The following NDUFS4 variants were observed in gnomAD, a reference collection of about 807,000 sequenced individuals.
The protein encoded by NDUFS4 is NADH dehydrogenase [ubiquinone] iron-sulfur protein 4, mitochondrial.
A neutral mutation model predicts 24.3 loss-of-function variants in NDUFS4; 28 were observed. The observed-to-expected ratio is 1.15, with a 90% confidence interval of 0.85 to 1.58. The LOEUF (loss-of-function observed/expected upper bound fraction) is 1.58, where lower values mean the gene tolerates loss of function less well. Among genes scored for constraint, NDUFS4 ranks in the 40% most tolerant of loss-of-function variants. NDUFS4 has a pLI of 0.00. For synonymous variants in NDUFS4, 93 were observed against 69.7 expected, an observed-to-expected ratio of 1.34 and a Z score of -1.67; for missense variants, 223 against 207.9, an observed-to-expected ratio of 1.07 and a Z score of -0.45.
At chr5:53,604,645 G>A in intron 2 of NDUFS4, 1 of 409,940 alleles carries the variant, frequency 2.4e-6, no homozygotes. Flanking sequence ...GGTGCTTCCT[G>A]TTGCCCTTAG....
chr5:53,662,954 C>T (rs957973017), intron 4 of NDUFS4, among the ~76,000 whole-genome samples: 1 of 151,838 alleles, frequency 6.6e-6, no homozygotes, highest in Non-Finnish European at 1.5e-5. Flanking sequence ...CTCTTGTGGG[C>T]ATTTAGTGCT....
At chr5:53,669,865 A>G (rs1226655793) in intron 4 of NDUFS4, among the ~76,000 whole-genome samples, 1 of 152,040 alleles carries the variant, frequency 6.6e-6, no homozygotes, top group Admixed American at 6.6e-5. Context: ...TATGCTTTAA[A>G]CTTTTCTTTA....
intron 1 of NDUFS4, among the ~76,000 whole-genome samples, chr5:53,564,405 G>A (rs960167077): frequency 1.3e-5 from 2 of 152,138 alleles, no homozygotes; most frequent in Admixed American, 6.5e-5. Context: ...ACACATCCAA[G>A]CCAAAGTTTG....
At chr5:53,582,860 A>G (rs1464932138) in intron 1 of NDUFS4, among the ~76,000 whole-genome samples, 1 of 152,208 alleles carries the variant, frequency 6.6e-6, no homozygotes, top group Non-Finnish European at 1.5e-5. Flanking sequence ...GGAATCATAT[A>G]GAAATTTAAA....
chr5:53,673,603 T>C lies in NDUFS4; in HGVS notation c.425-9515T>C, dbSNP rs73754284. Among the ~76,000 whole-genome samples the C allele has an allele frequency of 6.2e-3, 948 of 152,312 alleles. 13 individuals carry two copies. The highest frequency in any genetic ancestry group is 0.022 in the African/African-American group (910 of 41,576). On this transcript the variant is annotated intron_variant, in intron 4 of 4. Transcript: ENST00000296684. ...TGATAAGACATTCTCTTTCTCTTTCTGGCACAATCAGTCACTTTACTTGAG... is the reference window on the plus strand; with the variant it reads ...TGATAAGACATTCTCTTTCTCTTTCCGGCACAATCAGTCACTTTACTTGAG...
At position 53,642,874 on chromosome 5, in the gene NDUFS4, T is replaced by C. The variant is rs140733272; in HGVS notation, c.178-3359T>C. ...GTTGAAAGAATGAACTTTGGAATTA[T>C]GACATGCATCTTTCCAATAGCAAAT... On this transcript the variant is annotated intron_variant, in intron 2 of 4. Coordinates refer to ENST00000296684, the MANE Select transcript of NDUFS4 (RefSeq NM_002495.4). 4.3e-3 allele frequency among the ~76,000 whole-genome samples: 659 copies of C among 152,262 alleles called. 6 individuals are homozygous for C. The highest frequency in any genetic ancestry group is 0.021 in the South Asian group (102 of 4,820).
At chr5:53,673,229 GACA>G (rs1643369391) in intron 4 of NDUFS4, among the ~76,000 whole-genome samples, 1 of 152,054 alleles carries the variant, frequency 6.6e-6, no homozygotes, top group South Asian at 2.1e-4. Flanking sequence ...TCTCATAGTT[GACA>G]ACTGTTCTCA....
At chr5:53,663,182 G>A (rs1023527598) in intron 4 of NDUFS4, among the ~76,000 whole-genome samples, 11 of 152,142 alleles carry the variant, frequency 7.2e-5, no homozygotes. Context: ...TGTGGTCTTA[G>A]AGACAGTTTG....
intron 3 of NDUFS4, among the ~76,000 whole-genome samples, chr5:53,651,561 C>T (rs188808021): frequency 5.3e-5 from 8 of 151,446 alleles, no homozygotes; most frequent in Admixed American, 4.6e-4. Flanking sequence ...CTAGATAAGT[C>T]CATATAGACT....
intron 3 of NDUFS4, among the ~76,000 whole-genome samples, chr5:53,649,285 C>A (rs1751952749): frequency 1.3e-5 from 2 of 152,036 alleles, no homozygotes; most frequent in Admixed American, 1.3e-4. Context: ...GGGGTTTGGG[C>A]TTCTAGTGAA....
intron 3 of NDUFS4, among the ~76,000 whole-genome samples, chr5:53,657,464 C>T (rs1207815875): frequency 3.3e-5 from 5 of 152,056 alleles, no homozygotes; most frequent in Non-Finnish European, 7.4e-5. Context: ...CCCATTTATT[C>T]TCTTCTTTCT....
chr5:53,644,253 A>G (rs1196227148), intron 2 of NDUFS4, among the ~76,000 whole-genome samples: 2 of 152,116 alleles, frequency 1.3e-5, no homozygotes, highest in African/African-American at 2.4e-5. Context: ...CCTTTCATAT[A>G]GTTTTAAAAA....
intron 1 of NDUFS4, among the ~76,000 whole-genome samples, chr5:53,587,909 A>G (rs1192074298): frequency 1.3e-5 from 2 of 152,184 alleles, no homozygotes; most frequent in Non-Finnish European, 2.9e-5. Flanking sequence ...ATTACCACTC[A>G]GTCAATGAAG....
intron 1 of NDUFS4, among the ~76,000 whole-genome samples, chr5:53,582,240 TA>T (rs869177734): frequency 2.2e-4 from 32 of 148,828 alleles, no homozygotes; most frequent in Middle Eastern, 3.4e-3. Flanking sequence ...TAAAATAAAA[TA>T]AAATTAAATT....
rs147372969 is a variant in NDUFS4, at chr5:53,664,025, C to G, written c.424+5401C>G. On this transcript the variant is annotated intron_variant, in intron 4 of 4. Transcript: ENST00000296684. ...CTTCAAGAGCTCTTTTAGGGCAGGC[C>G]TGGTGGTTGCAAAATCTCTTTGCAT... 4.6e-3 allele frequency among the ~76,000 whole-genome samples: 704 copies of G among 152,164 alleles called. 5 individuals are homozygous for G. The highest frequency in any genetic ancestry group is 0.016 in the African/African-American group (678 of 41,494).
chr5:53,573,562 G>C (rs1749285735), intron 1 of NDUFS4: 1 of 451,280 alleles, frequency 2.2e-6, no homozygotes, highest in Non-Finnish European at 4.4e-6. Context: ...CTGTGGTAAA[G>C]AGCATTGCTT....
intron 4 of NDUFS4, among the ~76,000 whole-genome samples, chr5:53,669,310 CCAAAGCACTAA>C (rs1314435176): frequency 6.6e-6 from 1 of 152,162 alleles, no homozygotes; most frequent in Non-Finnish European, 1.5e-5. Flanking sequence ...AAACTTACTA[CCAAAGCACTAA>C]CAAGTTTTGT....
intron 1 of NDUFS4, among the ~76,000 whole-genome samples, chr5:53,600,395 T>G (rs1326092602): frequency 6.6e-6 from 1 of 151,842 alleles, no homozygotes; most frequent in Non-Finnish European, 1.5e-5. Flanking sequence ...TTGCAACCTC[T>G]GCCTCCAGGT....
intron 4 of NDUFS4, among the ~76,000 whole-genome samples, chr5:53,672,734 G>A (rs909710030): frequency 2.6e-5 from 4 of 151,956 alleles, no homozygotes; most frequent in Non-Finnish European, 4.4e-5. Flanking sequence ...GTGTTAATTT[G>A]TCATATATGC....
Sources: gnomAD v4.1 joint callset for allele counts (sites outside exome capture counted in the v4.1 genomes callset) on GRCh38, gnomAD v4.1.1 for gene constraint, MANE v1.5 for transcripts, NCBI Gene and HGNC (gene_info 2026-07-23, HGNC 2026-07-21) for gene names.